Variants in ZPLD1 observed in about 807,000 individuals in gnomAD.
ZPLD1 encodes zona pellucida-like domain-containing protein 1.
In ZPLD1, 34 loss-of-function variants were observed where a neutral mutation model predicts 47.2. The ratio of observed to expected loss-of-function variants is 0.72; its 90% CI spans 0.55 to 0.96. The LOEUF (loss-of-function observed/expected upper bound fraction) is 0.96. ZPLD1 is among the 40% of genes least tolerant of loss of function. ZPLD1 has a pLI of 0.00. For missense variants in ZPLD1, 512 were observed against 505.8 expected, an observed-to-expected ratio of 1.01 and a Z score of -0.12; for synonymous variants, 176 against 186.2, an observed-to-expected ratio of 0.95 and a Z score of 0.45.
At chr3:102,396,343 A>G (rs764117819) in intron 7 of ZPLD1, among the ~76,000 whole-genome samples, 1 of 152,130 alleles carries the variant, frequency 6.6e-6, no homozygotes, top group Non-Finnish European at 1.5e-5. Context: ...TTAAGTGACA[A>G]TTGGGTATTC....
Position 102,411,132 on chromosome 3 carries a change from C to A in ZPLD1, c.-156-6928C>A, listed in dbSNP as rs116643100. On this transcript the variant is annotated intron_variant, in intron 7 of 17. Transcript: ENST00000491959. ...GAAATACATTGGGTTTTAAATAACA[C>A]GAAGTGGTTTCAAAAGTTTGTTTTA... Among the ~76,000 whole-genome samples the A allele has an allele frequency of 9.3e-3, 1,408 of 151,590 alleles. 24 individuals carry two copies. Among genetic ancestry groups the A allele is most frequent in the African/African-American group, 0.033 (1,351 of 41,374 alleles).
At chr3:102,397,806 C>T (rs1337929094) in intron 7 of ZPLD1, among the ~76,000 whole-genome samples, 3 of 152,132 alleles carry the variant, frequency 2.0e-5, no homozygotes, top group East Asian at 1.9e-4. Flanking sequence ...AAGGATCTTA[C>T]GTGACTTTGT....
intron 6 of ZPLD1, among the ~76,000 whole-genome samples, chr3:102,458,895 C>G (rs2107343120): frequency 6.6e-6 from 1 of 152,096 alleles, no homozygotes; most frequent in African/African-American, 2.4e-5. Context: ...CGAGACCATC[C>G]TGGCTAACAC....
chr3:102,419,320 A>C (rs543077671), intron 8 of ZPLD1, among the ~76,000 whole-genome samples: 2 of 152,030 alleles, frequency 1.3e-5, no homozygotes, highest in South Asian at 2.1e-4. Context: ...AAGTTTCCCT[A>C]TGTAAGTTTT....
intron 10 of ZPLD1, among the ~76,000 whole-genome samples, chr3:102,476,793 T>C (rs61153217): frequency 2.1e-3 from 318 of 152,024 alleles, no homozygotes; most frequent in African/African-American, 7.5e-3. Flanking sequence ...GCTTGGGGAA[T>C]AGAAAGATGA....
At chr3:102,470,248 T>C (rs1707659789) in intron 9 of ZPLD1, 146 bp from the exon 10 acceptor site, 1 of 650,074 alleles carries the variant, frequency 1.5e-6, no homozygotes, top group South Asian at 1.9e-5. Flanking sequence ...AGCAGTTACA[T>C]GCAAAGTAAT....
At chr3:102,458,244 T>C (rs531490996) in intron 6 of ZPLD1, among the ~76,000 whole-genome samples, 1 of 152,302 alleles carries the variant, frequency 6.6e-6, no homozygotes, top group Admixed American at 6.5e-5. Flanking sequence ...AAATGGTGTT[T>C]CCCTTGGAGG....
At chr3:102,445,370 T>C (rs1396875073) in intron 3 of ZPLD1, among the ~76,000 whole-genome samples, 1 of 152,186 alleles carries the variant, frequency 6.6e-6, no homozygotes, top group African/African-American at 2.4e-5. Context: ...CTTGTCTCTC[T>C]CCCTCCCGTC....
At chr3:102,439,748 G>T (rs546669640) in intron 3 of ZPLD1, among the ~76,000 whole-genome samples, 9 of 152,138 alleles carry the variant, frequency 5.9e-5, no homozygotes, top group Non-Finnish European at 1.2e-4. Context: ...TTCATGCTTT[G>T]GTGTTTATAT....
At chr3:102,403,791 C>G (rs1176467842) in intron 7 of ZPLD1, among the ~76,000 whole-genome samples, 1 of 152,048 alleles carries the variant, frequency 6.6e-6, no homozygotes, top group Non-Finnish European at 1.5e-5. Flanking sequence ...ATGTGAGTAA[C>G]AGGCGGTGTG....
intron 3 of ZPLD1, among the ~76,000 whole-genome samples, chr3:102,451,907 A>G (rs1307118222): frequency 1.3e-5 from 2 of 152,076 alleles, no homozygotes; most frequent in East Asian, 3.9e-4. Context: ...GCAACAACCT[A>G]TTTCCAAATA....
chr3:102,476,314 A>G (rs978250271), intron 10 of ZPLD1, among the ~76,000 whole-genome samples: 1 of 152,194 alleles, frequency 6.6e-6, no homozygotes, highest in South Asian at 2.1e-4. Context: ...TCCAGGGTTG[A>G]TAGCAACATG....
chr3:102,424,218 G>A (rs1423865337), intron 8 of ZPLD1, among the ~76,000 whole-genome samples: 9 of 151,958 alleles, frequency 5.9e-5, no homozygotes, highest in Admixed American at 3.9e-4. Context: ...AATTGTCCTC[G>A]TCTCTCCAGT....
chr3:102,469,233 G>A, intron 9 of ZPLD1, 98 bp downstream of exon 9: 2 of 1,265,486 alleles, frequency 1.6e-6, no homozygotes, highest in East Asian at 4.8e-5. Context: ...AAGTGGATAT[G>A]TGTTAGATCA....
chr3:102,474,173 T>A (rs937282738), intron 10 of ZPLD1, among the ~76,000 whole-genome samples: 5 of 152,124 alleles, frequency 3.3e-5, no homozygotes, highest in African/African-American at 1.2e-4. Context: ...TCAAGAAAAA[T>A]TTCCTGAAGT....
chr3:102,388,171 A>G (rs1301854439), intron 6 of ZPLD1, among the ~76,000 whole-genome samples: 1 of 151,968 alleles, frequency 6.6e-6, no homozygotes, highest in Non-Finnish European at 1.5e-5. Flanking sequence ...CAGTTCTGAG[A>G]AATTCTTTCT....
chr3:102,457,958 G>T, intron 6 of ZPLD1, 105 bp downstream of exon 6: 4 of 1,021,820 alleles, frequency 3.9e-6, no homozygotes, highest in Non-Finnish European at 5.9e-6. Flanking sequence ...CATTAACCCT[G>T]TTATGCCTTG....
upstream of ZPLD1, among the ~76,000 whole-genome samples, chr3:102,432,128 CA>C (rs770166712): frequency 5.5e-4 from 83 of 152,276 alleles, no homozygotes; most frequent in Non-Finnish European, 6.9e-4. Flanking sequence ...AAAATACACA[CA>C]TTTTTTTCTC....
At chr3:102,477,300 G>C (rs1431193487) in intron 11 of ZPLD1, 143 bp from the exon 12 acceptor site, 1 of 1,022,240 alleles carries the variant, frequency 9.8e-7, no homozygotes, top group Non-Finnish European at 1.4e-6. Context: ...TTGAATTACA[G>C]TCAAATAGAT....
Sources: gnomAD v4.1 joint callset for allele counts (sites outside exome capture counted in the v4.1 genomes callset) on GRCh38, gnomAD v4.1.1 for gene constraint, MANE v1.5 for transcripts, NCBI Gene and HGNC (gene_info 2026-07-23, HGNC 2026-07-21) for gene names.